The following ZMYM2 variants were observed in gnomAD, a reference collection of about 807,000 sequenced individuals.
ZMYM2 encodes the protein zinc finger MYM-type containing 2, also known as zinc finger MYM-type protein 2.
A neutral mutation model predicts 162.8 loss-of-function variants in ZMYM2; 56 were observed. The observed-to-expected ratio is 0.34, with a 90% CI of 0.28 to 0.43. The LOEUF is 0.43. Among genes scored for constraint, ZMYM2 ranks in the 20% least tolerant of loss-of-function variants. The pLI is 1.00. For synonymous variants in ZMYM2, 510 were observed against 541.6 expected, an observed-to-expected ratio of 0.94 and a Z score of 0.81; for missense variants, 1,275 against 1,621.8, an observed-to-expected ratio of 0.79 and a Z score of 3.67.
At chr13:19,907,785 G>T in the ZMYM2 span, among the ~76,000 whole-genome samples, 2 of 67,060 alleles carry the variant, frequency 3.0e-5, no homozygotes, top group Non-Finnish European at 3.6e-5. Flanking sequence ...AAAAAAAAAA[G>T]GTAAAGTCTA....
chr13:19,920,480 G>A, the ZMYM2 span, among the ~76,000 whole-genome samples: 1 of 151,540 alleles, frequency 6.6e-6, no homozygotes, highest in Non-Finnish European at 1.5e-5. Flanking sequence ...TCAGAGTGAG[G>A]GTAAAAGGGA....
the ZMYM2 span, among the ~76,000 whole-genome samples, chr13:19,932,204 A>G: frequency 9.2e-4 from 140 of 152,324 alleles, no homozygotes; most frequent in African/African-American, 3.3e-3. Context: ...TCTTAGTGCT[A>G]TGAACTGAAT....
intron 21 of ZMYM2, among the ~76,000 whole-genome samples, chr13:20,078,691 T>G (rs546416258): frequency 6.6e-6 from 1 of 152,326 alleles, no homozygotes; most frequent in East Asian, 1.9e-4. Context: ...GTGGGTAGTC[T>G]GAAATGAGAA....
the ZMYM2 span, among the ~76,000 whole-genome samples, chr13:19,874,904 A>T: frequency 6.6e-6 from 1 of 152,224 alleles, no homozygotes; most frequent in African/African-American, 2.4e-5. Flanking sequence ...ATTATTAAAA[A>T]GTCAAAATAT....
the ZMYM2 span, among the ~76,000 whole-genome samples, chr13:19,886,162 C>CTTTTTTTTTTTTTTTTTTTT: frequency 4.1e-5 from 4 of 98,446 alleles, no homozygotes; most frequent in African/African-American, 1.2e-4. Flanking sequence ...TTCTTTCTTT[C>CTTTTTTTTTTTTTTTTTTTT]TTTTTTTTTT....
At chr13:20,048,374 C>T (rs1465232104) in intron 12 of ZMYM2, among the ~76,000 whole-genome samples, 4 of 151,168 alleles carry the variant, frequency 2.6e-5, no homozygotes, top group Admixed American at 1.3e-4. Context: ...TTTTGGTCAC[C>T]GGAGAATTCC....
chr13:20,075,259 C>T lies in ZMYM2; in HGVS notation c.3454-6757C>T, dbSNP rs191403797. On this transcript the variant is annotated intron_variant, in intron 21 of 24. Transcript: ENST00000610343. ...GTTGACAGGAAGTATGATTTTCTTC[C>T]GTATGTCTATGGAAGAAACAGTATC... 1.3e-4 allele frequency among the ~76,000 whole-genome samples: 20 copies of T among 152,206 alleles called. No individual in the cohort carries two copies. In the East Asian group the frequency reaches 1.5e-3, roughly 12 times the overall value.
the ZMYM2 span, among the ~76,000 whole-genome samples, chr13:19,909,883 T>C: frequency 6.6e-6 from 1 of 152,002 alleles, no homozygotes; most frequent in Non-Finnish European, 1.5e-5. Context: ...GGAATGAATA[T>C]GAAGGGCCTG....
chr13:19,876,635 A>C, the ZMYM2 span, among the ~76,000 whole-genome samples: 1 of 152,098 alleles, frequency 6.6e-6, no homozygotes, highest in Non-Finnish European at 1.5e-5. Flanking sequence ...AAATTTTTCA[A>C]AAAGTATGAT....
At chr13:20,019,865 A>T in intron 7 of ZMYM2, 1 of 419,050 alleles carries the variant, frequency 2.4e-6, no homozygotes. Context: ...AATTATTTTC[A>T]GATTTTTTTA....
the ZMYM2 span, among the ~76,000 whole-genome samples, chr13:19,920,870 C>T: frequency 2.0e-5 from 3 of 151,880 alleles, no homozygotes; most frequent in African/African-American, 7.3e-5. Flanking sequence ...TCAAGCAATT[C>T]TCCTGCCTCA....
At chr13:20,010,763 C>G (rs1386175074) in intron 6 of ZMYM2, among the ~76,000 whole-genome samples, 1 of 152,134 alleles carries the variant, frequency 6.6e-6, no homozygotes, top group African/African-American at 2.4e-5. Flanking sequence ...GCCTCAGCCT[C>G]CTGAGTAGCT....
the ZMYM2 span, among the ~76,000 whole-genome samples, chr13:19,923,158 C>A: frequency 7.3e-6 from 1 of 137,172 alleles, no homozygotes; most frequent in Admixed American, 7.6e-5. Flanking sequence ...TGAACATGGC[C>A]AACATGGTGA....
At chr13:19,924,458 CTTGGGAGGCTGAGGTGAAAGGATCGCTTG>C in the ZMYM2 span, among the ~76,000 whole-genome samples, 369 of 152,202 alleles carry the variant, frequency 2.4e-3, no homozygotes, top group African/African-American at 8.5e-3. Context: ...GTCTCAGCTA[CTTGGGAGGCTGAGGTGAAAGGATCGCTTG>C]AGTGCAGGAG....
chr13:19,982,621 T>C (rs1957451425), intron 2 of ZMYM2, among the ~76,000 whole-genome samples: 1 of 152,194 alleles, frequency 6.6e-6, no homozygotes, highest in South Asian at 2.1e-4. Flanking sequence ...CAAAAGTAAT[T>C]GCAGTTTTTG....
chr13:19,875,250 C>T, the ZMYM2 span, among the ~76,000 whole-genome samples: 19 of 152,040 alleles, frequency 1.2e-4, no homozygotes, highest in African/African-American at 3.9e-4. Flanking sequence ...ATGTGCCACC[C>T]GCAAACCTTG....
intron 12 of ZMYM2, among the ~76,000 whole-genome samples, chr13:20,041,961 T>G (rs1013102265): frequency 6.6e-6 from 1 of 152,208 alleles, no homozygotes; most frequent in Non-Finnish European, 1.5e-5. Flanking sequence ...GTAGGTGACC[T>G]GACCTTTCTC....
intron 10 of ZMYM2, among the ~76,000 whole-genome samples, chr13:20,033,757 CT>C (rs1374370511): frequency 6.6e-6 from 1 of 152,162 alleles, no homozygotes; most frequent in Non-Finnish European, 1.5e-5. Context: ...ACAACTCAGT[CT>C]CAGGTTCAGC....
the ZMYM2 span, among the ~76,000 whole-genome samples, chr13:19,947,793 C>T: frequency 2.0e-5 from 3 of 152,058 alleles, no homozygotes; most frequent in Non-Finnish European, 2.9e-5. Context: ...TGCGCCCGGC[C>T]GCTATGTATC....
Sources: gnomAD v4.1 joint callset for allele counts (sites outside exome capture counted in the v4.1 genomes callset) on GRCh38, gnomAD v4.1.1 for gene constraint, MANE v1.5 for transcripts, NCBI Gene and HGNC (gene_info 2026-07-23, HGNC 2026-07-21) for gene names.